The following DCLK1 variants were observed in gnomAD, a reference collection of about 807,000 sequenced individuals.
DCLK1 encodes serine/threonine-protein kinase DCLK1.
A neutral mutation model predicts 86.2 loss-of-function variants in DCLK1; 16 were observed. The ratio of observed to expected loss-of-function variants is 0.19; its 90% CI spans 0.13 to 0.28. DCLK1 has a LOEUF of 0.28. DCLK1 is among the 10% of genes least tolerant of loss of function. The pLI is 1.00. For synonymous variants in DCLK1, 369 were observed against 370.5 expected (o/e 1.00, Z 0.05); for missense variants, 590 against 940.2 (o/e 0.63, Z 4.87).
At chr13:35,888,323 A>C (rs17053103) in intron 4 of DCLK1, among the ~76,000 whole-genome samples, 4,369 of 152,294 alleles carry the variant, frequency 0.029, 190 homozygotes, top group African/African-American at 0.099. Context: ...ATTAAATTAC[A>C]TCTCTGGGTA....
At chr13:35,879,887 G>A (rs1333674729) in intron 4 of DCLK1, among the ~76,000 whole-genome samples, 1 of 152,098 alleles carries the variant, frequency 6.6e-6, no homozygotes, top group Non-Finnish European at 1.5e-5. Flanking sequence ...CTAGATGCCA[G>A]TAGCTTCCCT....
intron 3 of DCLK1, among the ~76,000 whole-genome samples, chr13:36,076,749 A>G (rs1315538569): frequency 6.6e-6 from 1 of 152,162 alleles, no homozygotes; most frequent in Admixed American, 6.5e-5. Flanking sequence ...GATGTGGGTA[A>G]TATCTACCCA....
intron 3 of DCLK1, among the ~76,000 whole-genome samples, chr13:36,062,884 G>A (rs982668525): frequency 4.6e-5 from 7 of 152,144 alleles, no homozygotes; most frequent in African/African-American, 1.7e-4. Context: ...GTCTACTAAT[G>A]TCAAAAGGTC....
chr13:36,064,888 A>G lies in DCLK1; in HGVS notation c.723+46981T>C, dbSNP rs564148081. On this transcript the variant is annotated intron_variant, in intron 3 of 16. Transcript: ENST00000360631. ...AACAGGTCACCATGCCATTACTTTGACCTCATTACCTTTTCTTAAACATGA... is the reference window on the plus strand; with the variant it reads ...AACAGGTCACCATGCCATTACTTTGGCCTCATTACCTTTTCTTAAACATGA... 9.2e-5 allele frequency among the ~76,000 whole-genome samples: 14 copies of G among 152,274 alleles called. No homozygotes were observed. The East Asian group carries it at 2.5e-3, about 27-fold the overall frequency.
chr13:35,924,703 C>A (rs1489782169), intron 4 of DCLK1, among the ~76,000 whole-genome samples: 1 of 152,148 alleles, frequency 6.6e-6, no homozygotes, highest in Admixed American at 6.5e-5. Context: ...GTATTCTGCA[C>A]ATGAATATTT....
intron 3 of DCLK1, among the ~76,000 whole-genome samples, chr13:36,047,743 T>C (rs1172405865): frequency 6.6e-6 from 1 of 152,158 alleles, no homozygotes; most frequent in Non-Finnish European, 1.5e-5. Context: ...GACAGAAGTA[T>C]AAATTCAAGA....
At chr13:35,846,254 A>G in intron 6 of DCLK1, 1 of 984,948 alleles carries the variant, frequency 1.0e-6, no homozygotes, top group African/African-American at 1.7e-5. Flanking sequence ...AATTTACAAC[A>G]TTCATAATAT....
intron 4 of DCLK1, among the ~76,000 whole-genome samples, chr13:35,917,210 A>G (rs1408898863): frequency 1.3e-5 from 2 of 152,256 alleles, no homozygotes; most frequent in African/African-American, 2.4e-5. Context: ...CTCGTGTCAC[A>G]CGAAGCTCAT....
At chr13:35,951,182 T>G (rs1877651568) in intron 3 of DCLK1, among the ~76,000 whole-genome samples, 2 of 151,608 alleles carry the variant, frequency 1.3e-5, no homozygotes, top group African/African-American at 4.8e-5. Context: ...CTTTCAAGCT[T>G]CCGGTTTTTT....
At chr13:35,937,338 T>C (rs1003921048) in intron 4 of DCLK1, among the ~76,000 whole-genome samples, 2 of 152,044 alleles carry the variant, frequency 1.3e-5, no homozygotes, top group Admixed American at 6.6e-5. Flanking sequence ...TATAACAGAA[T>C]AGTCAAGGAA....
rs746085515 is a variant in DCLK1 at position 36,125,945 on chromosome 13, C to T, written c.193G>A (p.Gly65Arg). 1.2e-6 allele frequency: 2 copies of T among 1,614,184 alleles called. No homozygotes were observed. Among genetic ancestry groups the T allele is most frequent in the Non-Finnish European group, 1.7e-6 (2 of 1,180,044 alleles). Reference sequence around the variant, plus strand: ...ACAATCCCTTTGAAGTATCGATCTCCGTTTCGATAGAAACGAACTTTCTTG... The same window carrying T: ...ACAATCCCTTTGAAGTATCGATCTCTGTTTCGATAGAAACGAACTTTCTTG... Reference protein sequence around the residue: ...KAKKVRFYRNGDRYFKGIVYA... With the variant: ...KAKKVRFYRNRDRYFKGIVYA... Residue 65 changes from glycine to arginine, a missense_variant, in exon 2 of 17, where the codon GGA becomes AGA. Physicochemically the swap from Gly to Arg is moderately radical, Grantham distance 125. Around this residue, in one of 6 missense-constraint regions of DCLK1, gnomAD observed 195 missense variants for 365.1 expected, o/e 0.53. Transcript: ENST00000360631.
rs911145427 is a variant in DCLK1 at position 36,023,970 on chromosome 13, A to G, written c.724-76513T>C. On this transcript the variant is annotated intron_variant, in intron 3 of 16. Coordinates refer to ENST00000360631, the MANE Select transcript of DCLK1 (RefSeq NM_001330071.2). ...GAGTACAGTGGTGGGATCTCAGCTCACTGCAACCTCCGCCTTCTGGTTTCA... is the reference window on the plus strand; with the variant it reads ...GAGTACAGTGGTGGGATCTCAGCTCGCTGCAACCTCCGCCTTCTGGTTTCA... 5.1e-5 allele frequency among the ~76,000 whole-genome samples: 7 copies of G among 138,602 alleles called. No individual in the cohort carries two copies. The East Asian group carries it at 1.3e-3, about 25-fold the overall frequency. 90.9% of individuals were successfully genotyped at this position (138,602 alleles called of 152,430 possible). A position where few individuals can be genotyped will look rare whatever the true frequency, so the allele number is the denominator to read the frequency against.
chr13:35,891,138 A>G (rs1593704440), intron 4 of DCLK1, among the ~76,000 whole-genome samples: 2 of 152,250 alleles, frequency 1.3e-5, no homozygotes, highest in East Asian at 3.9e-4. Flanking sequence ...TTTTCAATGA[A>G]TGTTCTCATT....
At chr13:36,080,746 G>A (rs906146162) in intron 3 of DCLK1, among the ~76,000 whole-genome samples, 7 of 152,038 alleles carry the variant, frequency 4.6e-5, no homozygotes, top group African/African-American at 1.7e-4. Flanking sequence ...CAACACACAC[G>A]GCTTCTGCTT....
intron 3 of DCLK1, among the ~76,000 whole-genome samples, chr13:35,968,463 T>C (rs926818039): frequency 6.6e-6 from 1 of 152,188 alleles, no homozygotes; most frequent in Non-Finnish European, 1.5e-5. Context: ...GAATTCCCCT[T>C]AGCTTCCTTT....
At chr13:36,007,094 G>C (rs1291279824) in intron 3 of DCLK1, among the ~76,000 whole-genome samples, 2 of 152,100 alleles carry the variant, frequency 1.3e-5, no homozygotes, top group Non-Finnish European at 2.9e-5. Flanking sequence ...CCAGAGGCCA[G>C]CAAGGCTCAT....
In DCLK1 at chr13:35,805,773, T is replaced by C; in HGVS notation, c.1870A>G (p.Ile624Val). 1 of 1,611,446 alleles carries C rather than the reference T, an allele frequency of 6.2e-7. No homozygotes were observed. Among genetic ancestry groups the C allele is most frequent in the Non-Finnish European group, 8.5e-7 (1 of 1,177,884 alleles). ...DNVSDSAKEL[I>V]TMMLLVDVDQ... ...ACATCGACCAACAGCATCATGGTAATGAGCTCCTGTGAAGGGGAACGTTAG... is the reference window on the plus strand; with the variant it reads ...ACATCGACCAACAGCATCATGGTAACGAGCTCCTGTGAAGGGGAACGTTAG... The change falls in exon 15 of 17, where the codon ATT becomes GTT. Residue 624 changes from isoleucine to valine, a missense_variant. Physicochemically the swap from Ile to Val is conservative, Grantham distance 29. Around this residue, in one of 6 missense-constraint regions of DCLK1, gnomAD observed 146 missense variants for 190.2 expected, o/e 0.77. Coordinates refer to ENST00000360631, the MANE Select transcript of DCLK1 (RefSeq NM_001330071.2).
At chr13:35,811,107 T>C (rs1162047445) in intron 11 of DCLK1, 139 bp from the exon 12 acceptor site, 52 of 1,031,810 alleles carry the variant, frequency 5.0e-5, no homozygotes, top group Non-Finnish European at 5.1e-5. Flanking sequence ...AGAATGGATA[T>C]ACATACAAAA....
intron 4 of DCLK1, among the ~76,000 whole-genome samples, chr13:35,917,555 G>A (rs1027997724): frequency 3.3e-5 from 5 of 152,118 alleles, no homozygotes; most frequent in South Asian, 2.1e-4. Context: ...AAAGCCTCAA[G>A]GAGGAAGAAA....
Sources: allele counts gnomAD v4.1 joint callset (sites outside exome capture counted in the v4.1 genomes callset), GRCh38; gene constraint gnomAD v4.1.1; regional missense constraint gnomAD v4.1.1; transcripts MANE v1.5; gene names NCBI Gene and HGNC (gene_info 2026-07-23, HGNC 2026-07-21).